GRIN2A: variants seen among roughly 807,000 people sequenced by gnomAD.
GRIN2A encodes glutamate receptor ionotropic, NMDA 2A.
GRIN2A carries 22 observed loss-of-function variants against 113.4 expected under a neutral mutation model. The observed-to-expected ratio is 0.19, with a 90% CI of 0.14 to 0.28. The LOEUF is 0.28. Ranked by LOEUF, GRIN2A falls within the 10% of genes least tolerant of loss-of-function variation. The probability of loss-of-function intolerance (pLI) is 1.00; values close to 1 mark genes in which losing one functional copy is unlikely to be tolerated. For synonymous variants in GRIN2A, 827 were observed against 738.4 expected, an observed-to-expected ratio of 1.12 and a Z score of -1.94; for missense variants, 1,502 against 1,887.0, an observed-to-expected ratio of 0.80 and a Z score of 3.78.
chr16:9,934,303 A>G (rs2044662244), intron 3 of GRIN2A, among the ~76,000 whole-genome samples: 1 of 152,184 alleles, frequency 6.6e-6, no homozygotes, highest in Non-Finnish European at 1.5e-5. Context: ...GTTTGAGGAG[A>G]GAAATTATAT....
intron 3 of GRIN2A, among the ~76,000 whole-genome samples, chr16:9,893,243 G>T (rs2043733200): frequency 6.6e-6 from 1 of 152,134 alleles, no homozygotes; most frequent in South Asian, 2.1e-4. Flanking sequence ...GCAGAAAAGA[G>T]GATAAAAACA....
chr16:10,137,220 G>A (rs1375258928), intron 2 of GRIN2A, among the ~76,000 whole-genome samples: 1 of 152,206 alleles, frequency 6.6e-6, no homozygotes, highest in African/African-American at 2.4e-5. Flanking sequence ...ATATGGGAAA[G>A]CCCCAACAGC....
chr16:9,918,054 G>T (rs1258594655), intron 3 of GRIN2A, among the ~76,000 whole-genome samples: 1 of 152,124 alleles, frequency 6.6e-6, no homozygotes, highest in Non-Finnish European at 1.5e-5. Context: ...CTGTGGGCCA[G>T]GTACTGAGCT....
chr16:10,008,186 G>C (rs943751009), intron 2 of GRIN2A, among the ~76,000 whole-genome samples: 1 of 152,034 alleles, frequency 6.6e-6, no homozygotes, highest in African/African-American at 2.4e-5. Context: ...GCTTCTAAGA[G>C]AGGTCATGAT....
At chr16:10,181,706 C>G (rs1175766796) in intron 1 of GRIN2A, 171 bp downstream of exon 1, 1 of 152,524 alleles carries the variant, frequency 6.6e-6, no homozygotes, top group Non-Finnish European at 1.5e-5. Flanking sequence ...CCTGGGTAAG[C>G]GCCGCGGAGC....
intron 9 of GRIN2A, among the ~76,000 whole-genome samples, chr16:9,825,955 A>G (rs2042380445): frequency 6.6e-6 from 1 of 150,844 alleles, no homozygotes; most frequent in Admixed American, 6.6e-5. Context: ...GGCGATGATG[A>G]AGATGATGGA....
intron 2 of GRIN2A, among the ~76,000 whole-genome samples, chr16:9,950,719 T>A (rs1596355802): frequency 1.3e-5 from 2 of 152,272 alleles, no homozygotes; most frequent in East Asian, 3.9e-4. Context: ...ATAAGACACA[T>A]CTAGGTCCAA....
intron 2 of GRIN2A, among the ~76,000 whole-genome samples, chr16:9,939,920 G>T (rs1168116232): frequency 6.6e-6 from 1 of 151,932 alleles, no homozygotes; most frequent in African/African-American, 2.4e-5. Flanking sequence ...ATTATCAAAA[G>T]GTCCTCATCA....
chr16:10,153,415 G>C (rs1034329279), intron 2 of GRIN2A, among the ~76,000 whole-genome samples: 1 of 152,128 alleles, frequency 6.6e-6, no homozygotes, highest in Admixed American at 6.5e-5. Context: ...TCCTGCCCAG[G>C]TGGAGTTTAG....
chr16:9,982,304 G>C (rs1468324683), intron 2 of GRIN2A, among the ~76,000 whole-genome samples: 1 of 152,132 alleles, frequency 6.6e-6, no homozygotes, highest in Non-Finnish European at 1.5e-5. Flanking sequence ...TAAGTGATGT[G>C]TGTACTTTCT....
intron 2 of GRIN2A, among the ~76,000 whole-genome samples, chr16:9,964,512 T>A (rs1167067798): frequency 6.6e-6 from 1 of 152,184 alleles, no homozygotes. Context: ...GGTTCTGAAA[T>A]GTGAAATGGG....
In GRIN2A at chr16:9,842,123, C is replaced by T. The variant is rs571440059; in HGVS notation, c.1329-1019G>A. ...AAAATTAGCCAGGCATGGTGGCAGG[C>T]ACCTGTAGTTCCAGATACTCAGGAG... On this transcript the variant is annotated intron_variant, in intron 5 of 12. Coordinates refer to ENST00000330684, the MANE Select transcript of GRIN2A (RefSeq NM_001134407.3). Among the ~76,000 whole-genome samples, 10 of 152,152 alleles carry T rather than the reference C, an allele frequency of 6.6e-5. No homozygotes were observed. In the East Asian group the frequency reaches 1.9e-3, roughly 29 times the overall value.
At chr16:9,933,581 C>T (rs947454225) in intron 3 of GRIN2A, among the ~76,000 whole-genome samples, 9 of 152,152 alleles carry the variant, frequency 5.9e-5, no homozygotes, top group Non-Finnish European at 1.3e-4. Context: ...AGAGTAAGAC[C>T]TTAATCCAGC....
chr16:10,086,866 A>T (rs1468723453), intron 2 of GRIN2A, among the ~76,000 whole-genome samples: 2 of 152,238 alleles, frequency 1.3e-5, no homozygotes, highest in African/African-American at 2.4e-5. Flanking sequence ...GAATCCTGCC[A>T]AACAAATGCC....
At chr16:10,105,919 T>A (rs1162259095) in intron 2 of GRIN2A, among the ~76,000 whole-genome samples, 2 of 152,138 alleles carry the variant, frequency 1.3e-5, no homozygotes, top group East Asian at 1.9e-4. Flanking sequence ...AAAATAATAA[T>A]TCTAAATAAA....
chr16:10,006,683 TA>T (rs1696546901), intron 2 of GRIN2A, among the ~76,000 whole-genome samples: 1 of 152,284 alleles, frequency 6.6e-6, no homozygotes, highest in African/African-American at 2.4e-5. Context: ...TATTGCTGAC[TA>T]CAGTCACCCT....
chr16:10,062,920 C>A (rs985046297), intron 2 of GRIN2A, among the ~76,000 whole-genome samples: 7 of 151,620 alleles, frequency 4.6e-5, no homozygotes, highest in African/African-American at 1.5e-4. Flanking sequence ...AAGACACATG[C>A]ACTCATATGT....
intron 2 of GRIN2A, among the ~76,000 whole-genome samples, chr16:10,018,326 G>C (rs935703034): frequency 2.6e-5 from 4 of 152,168 alleles, no homozygotes; most frequent in East Asian, 3.8e-4. Flanking sequence ...GAGGAGGCTG[G>C]TGTTTTCCAG....
chr16:9,957,196 C>A (rs371086915), intron 2 of GRIN2A, among the ~76,000 whole-genome samples: 5 of 152,210 alleles, frequency 3.3e-5, no homozygotes, highest in African/African-American at 4.8e-5. Flanking sequence ...GTGCTATCTC[C>A]CTAGGGCTTG....
Sources: allele counts gnomAD v4.1 joint callset (sites outside exome capture counted in the v4.1 genomes callset), GRCh38; gene constraint gnomAD v4.1.1; transcripts MANE v1.5; gene names NCBI Gene and HGNC (gene_info 2026-07-23, HGNC 2026-07-21).